The following ANKS1A variants were observed in gnomAD, a reference collection of about 807,000 sequenced individuals.
ANKS1A encodes the protein ankyrin repeat and SAM domain-containing protein 1A.
In ANKS1A, 55 loss-of-function variants were observed where a neutral mutation model predicts 120.3. The observed-to-expected ratio is 0.46, with a 90% CI of 0.37 to 0.57. The LOEUF (loss-of-function observed/expected upper bound fraction) is 0.57, where lower values mean the gene tolerates loss of function less well. Ranked by LOEUF, ANKS1A falls within the 20% of genes least tolerant of loss-of-function variation. The probability of loss-of-function intolerance (pLI) is 0.00; values close to 1 mark genes in which losing one functional copy is unlikely to be tolerated. For synonymous variants in ANKS1A, 590 were observed against 604.7 expected (o/e 0.98, Z 0.36); for missense variants, 1,123 against 1,480.3 (o/e 0.76, Z 3.96).
chr6:34,920,805 G>A (rs996021806), intron 1 of ANKS1A, among the ~76,000 whole-genome samples: 1 of 152,162 alleles, frequency 6.6e-6, no homozygotes, highest in Non-Finnish European at 1.5e-5. Flanking sequence ...TTGGCTTCAT[G>A]GCACATAATA....
At chr6:35,022,187 T>C (rs543357033) in intron 11 of ANKS1A, among the ~76,000 whole-genome samples, 1 of 152,304 alleles carries the variant, frequency 6.6e-6, no homozygotes, top group East Asian at 1.9e-4. Context: ...ATTTGAGAAA[T>C]TAATGAGCTT....
chr6:34,989,979 G>A (rs767601077), intron 9 of ANKS1A, among the ~76,000 whole-genome samples: 5 of 152,114 alleles, frequency 3.3e-5, no homozygotes, highest in Non-Finnish European at 7.4e-5. Context: ...AACACTTCCT[G>A]CCATTAGAAT....
At chr6:35,027,529 A>G (rs1774689251) in intron 11 of ANKS1A, among the ~76,000 whole-genome samples, 1 of 152,142 alleles carries the variant, frequency 6.6e-6, no homozygotes, top group South Asian at 2.1e-4. Flanking sequence ...GTTTAGAGAT[A>G]TGCTGTGTGG....
chr6:34,960,181 T>G (rs1463191306), intron 1 of ANKS1A, among the ~76,000 whole-genome samples: 3 of 152,306 alleles, frequency 2.0e-5, no homozygotes, highest in African/African-American at 7.2e-5. Context: ...GCTCTTTACT[T>G]TATTCAGATA....
intron 1 of ANKS1A, among the ~76,000 whole-genome samples, chr6:34,938,947 C>T (rs1461550346): frequency 6.6e-6 from 1 of 152,220 alleles, no homozygotes; most frequent in Non-Finnish European, 1.5e-5. Flanking sequence ...GAGATCTCGC[C>T]ACTGTGCTCC....
intron 1 of ANKS1A, among the ~76,000 whole-genome samples, chr6:34,917,306 A>G (rs1768214981): frequency 6.6e-6 from 1 of 152,196 alleles, no homozygotes; most frequent in Admixed American, 6.5e-5. Context: ...GGCTAAGTGG[A>G]GAGGCTCTCT....
chr6:34,942,830 C>T (rs886609888), intron 1 of ANKS1A, among the ~76,000 whole-genome samples: 2 of 149,402 alleles, frequency 1.3e-5, no homozygotes, highest in Non-Finnish European at 3.0e-5. Context: ...TTCTTTTCCC[C>T]CTCCCCTCCC....
At chr6:35,083,121 A>C in intron 18 of ANKS1A, 34 bp from the exon 19 acceptor site, 1 of 1,610,882 alleles carries the variant, frequency 6.2e-7, no homozygotes, top group Non-Finnish European at 8.5e-7. Context: ...GAAACGCAGG[A>C]TTTCCTAAGC....
At chr6:34,919,926 C>A (rs1316224809) in intron 1 of ANKS1A, among the ~76,000 whole-genome samples, 2 of 152,040 alleles carry the variant, frequency 1.3e-5, no homozygotes, top group African/African-American at 4.8e-5. Flanking sequence ...TCTAGAACTC[C>A]TGTCATTGCC....
At chr6:35,056,836 G>A (rs147066278) in intron 12 of ANKS1A, among the ~76,000 whole-genome samples, 6 of 152,234 alleles carry the variant, frequency 3.9e-5, no homozygotes, top group East Asian at 2.0e-4. Flanking sequence ...GTGCTGAAGC[G>A]TGGAGAGGAT....
At chr6:35,038,191 A>C (rs1775278389) in intron 11 of ANKS1A, 1 of 456,460 alleles carries the variant, frequency 2.2e-6, no homozygotes, top group African/African-American at 2.0e-5. Context: ...CATTTTCTCT[A>C]GGCTAAGAGA....
At chr6:34,985,430 C>T in intron 8 of ANKS1A, 152 bp downstream of exon 8, 1 of 701,742 alleles carries the variant, frequency 1.4e-6, no homozygotes, top group Non-Finnish European at 2.3e-6. Flanking sequence ...TGGGGCTCTG[C>T]TGGGTCTCTC....
intron 13 of ANKS1A, among the ~76,000 whole-genome samples, chr6:35,075,540 C>T (rs199720503): frequency 6.6e-6 from 1 of 151,578 alleles, no homozygotes; most frequent in Non-Finnish European, 1.5e-5. Flanking sequence ...CTCAGCCTCC[C>T]GAGTAGCTGG....
chr6:35,097,889 T>C, the ANKS1A span, among the ~76,000 whole-genome samples: 1 of 152,224 alleles, frequency 6.6e-6, no homozygotes, highest in Non-Finnish European at 1.5e-5. Flanking sequence ...AAAGCTAAAC[T>C]GTTTACGAAA....
At chr6:35,014,455 C>T (rs1241050220) in intron 10 of ANKS1A, among the ~76,000 whole-genome samples, 1 of 152,160 alleles carries the variant, frequency 6.6e-6, no homozygotes, top group Non-Finnish European at 1.5e-5. Context: ...TTCCTTCTAC[C>T]CACTTCCTTC....
At chr6:35,070,484 C>CTTTTTTTTTTTTTTTTTTTTTTTTTTTT (rs869249276) in intron 13 of ANKS1A, among the ~76,000 whole-genome samples, 1 of 62,970 alleles carries the variant, frequency 1.6e-5, no homozygotes, top group Non-Finnish European at 2.9e-5. Flanking sequence ...AAGCCTTTAT[C>CTTTTTTTTTTTTTTTTTTTTTTTTTTTT]TTTTTTTTTT....
chr6:34,930,968 C>G (rs1334631623), intron 1 of ANKS1A, among the ~76,000 whole-genome samples: 1 of 151,712 alleles, frequency 6.6e-6, no homozygotes, highest in African/African-American at 2.4e-5. Context: ...CCTCTGCCCC[C>G]TGGGTTCAAG....
At chr6:34,950,923 C>T (rs1375989239) in intron 1 of ANKS1A, among the ~76,000 whole-genome samples, 4 of 152,154 alleles carry the variant, frequency 2.6e-5, no homozygotes, top group African/African-American at 9.7e-5. Context: ...TTTGAGGAGC[C>T]TGACTGAAGT....
At position 35,017,596 on chromosome 6, in the gene ANKS1A, CT is replaced by C. The variant is rs1205180059; in HGVS notation, c.1550del (p.Phe517SerfsTer68). On this transcript the variant is annotated frameshift_variant, in exon 11 of 24. Transcript: ENST00000360359. LOFTEE classifies it high-confidence loss of function. The part of the protein sequence containing the change: ...SSPVCEVGQD[P>X]FQLLCTAGQS... ...CCGGTGTGCGAGGTGGGGCAGGACCCTTTCCAGCTGCTCTGTACCGCTGGCC... is the reference window on the plus strand; with the variant it reads ...CCGGTGTGCGAGGTGGGGCAGGACCCTTCCAGCTGCTCTGTACCGCTGGCC... 6.2e-7 allele frequency: 1 copy of C among 1,613,880 alleles called. No individual in the cohort carries two copies. The highest frequency in any genetic ancestry group is 8.5e-7 in the Non-Finnish European group (1 of 1,179,952).
Sources: gnomAD v4.1 joint callset for allele counts (sites outside exome capture counted in the v4.1 genomes callset) on GRCh38, gnomAD v4.1.1 for gene constraint, MANE v1.5 for transcripts, NCBI Gene and HGNC (gene_info 2026-07-23, HGNC 2026-07-21) for gene names.